The following SPDYE18 variants were observed in gnomAD, a reference collection of about 807,000 sequenced individuals.
SPDYE18 encodes speedy protein E18.
SPDYE18 carries 6 observed loss-of-function variants against 44.9 expected under a neutral mutation model. The observed-to-expected ratio is 0.13, with a 90% CI of 0.07 to 0.26. The LOEUF is 0.26. SPDYE18 is among the 10% of genes least tolerant of loss of function. SPDYE18 has a pLI of 1.00. For missense variants in SPDYE18, 121 were observed against 463.2 expected, an observed-to-expected ratio of 0.26 and a Z score of 6.78; for synonymous variants, 35 against 177.1, an observed-to-expected ratio of 0.20 and a Z score of 6.37.
At chr7:77,062,388 TAGA>T (rs1199126775) in intron 1 of SPDYE18, among the ~76,000 whole-genome samples, 105 bp downstream of exon 1, 3 of 150,872 alleles carry the variant, frequency 2.0e-5, no homozygotes, top group South Asian at 2.1e-4. Context: ...TTTCAAATAT[TAGA>T]AGATCAATGT....
In SPDYE18 at chr7:77,060,554, A is replaced by G. The variant is rs1206121837; in HGVS notation, c.-42T>C. On this transcript the variant is annotated 5_prime_UTR_variant, in exon 2 of 9. Transcript: ENST00000510091. ...CTGCTAGGATCCAGAAGAGTATGTT[A>G]TCAATTCTCAAGCCTAGGAGAAGTC... 1.3e-6 allele frequency: 2 copies of G among 1,534,644 alleles called. No homozygotes were observed. The highest frequency in any genetic ancestry group is 1.2e-5 in the South Asian group (1 of 83,950).
At chr7:77,053,537 C>G (rs1249184564) in intron 6 of SPDYE18, among the ~76,000 whole-genome samples, 1 of 152,260 alleles carries the variant, frequency 6.6e-6, no homozygotes, top group Non-Finnish European at 1.5e-5. Context: ...ACCCTCGTCT[C>G]TATTAAAAAT....
chr7:77,059,913 G>A (rs1053419030), intron 2 of SPDYE18, among the ~76,000 whole-genome samples: 11 of 149,688 alleles, frequency 7.3e-5, no homozygotes, highest in Non-Finnish European at 1.2e-4. Flanking sequence ...GCCTCCCAAA[G>A]TTCTGGGATT....
intron 5 of SPDYE18, among the ~76,000 whole-genome samples, chr7:77,055,780 A>C (rs1350387880): frequency 1.4e-5 from 2 of 138,828 alleles, no homozygotes; most frequent in African/African-American, 2.7e-5. Context: ...GATGCTGACA[A>C]ATCATAAAAA....
At chr7:77,059,927 G>A (rs913586967) in intron 2 of SPDYE18, among the ~76,000 whole-genome samples, 3 of 150,028 alleles carry the variant, frequency 2.0e-5, no homozygotes, top group South Asian at 2.1e-4. Flanking sequence ...TGGGATTACA[G>A]GTGTGAGCCA....
At chr7:77,052,614 T>G (rs1352366253) in intron 8 of SPDYE18, among the ~76,000 whole-genome samples, 119 bp downstream of exon 8, 6 of 152,298 alleles carry the variant, frequency 3.9e-5, no homozygotes, top group Admixed American at 3.9e-4. Flanking sequence ...TTTGTATTTT[T>G]GTGGAGAGGG....
chr7:77,059,598 G>A (rs868533722), intron 2 of SPDYE18, among the ~76,000 whole-genome samples, 200 bp from the exon 3 acceptor site: 1,167 of 144,464 alleles, frequency 8.1e-3, no homozygotes, highest in African/African-American at 0.031. Context: ...TCTGTCCTCC[G>A]AACACTGCTT....
chr7:77,060,936 G>T lies in SPDYE18; in HGVS notation c.-421-3C>A, dbSNP rs1247548530. Among the ~76,000 whole-genome samples the T allele has an allele frequency of 6.6e-6, 1 of 151,030 alleles. No homozygotes were observed. Among genetic ancestry groups the T allele is most frequent in the East Asian group, 2.0e-4 (1 of 5,094 alleles). On this transcript the variant is annotated splice_polypyrimidine_tract_variant and splice_region_variant and intron_variant, in intron 1 of 8. Coordinates refer to ENST00000510091, the MANE Select transcript of SPDYE18 (RefSeq NM_001394953.1). ...ACATGCCCATTTCAGAGTCCAGTCTGGTGGGAGAGGGAACAGAGTGGGAAA... is the reference window on the plus strand; with the variant it reads ...ACATGCCCATTTCAGAGTCCAGTCTTGTGGGAGAGGGAACAGAGTGGGAAA...
chr7:77,057,096 A>ATTTC (rs1789936148), intron 4 of SPDYE18, among the ~76,000 whole-genome samples: 1 of 152,274 alleles, frequency 6.6e-6, no homozygotes, highest in African/African-American at 2.4e-5. Context: ...TTATTTATTT[A>ATTTC]TTAATTTATT....
chr7:77,059,228 C>CTCG lies in SPDYE18; in HGVS notation c.328_330dup (p.Arg110dup). 6.4e-7 allele frequency: 1 copy of CTCG among 1,562,632 alleles called. No homozygotes were observed. The highest frequency in any genetic ancestry group is 8.6e-7 in the Non-Finnish European group (1 of 1,162,898). ...TGGTGCTCAGGGAGGATGGGTGACACTCGCTGTTGCTTCAGCTTCATCTTG... is the reference window on the plus strand; with the variant it reads ...TGGTGCTCAGGGAGGATGGGTGACACTCGTCGCTGTTGCTTCAGCTTCATCTTG... On this transcript the variant is annotated inframe_insertion, in exon 3 of 9. Transcript: ENST00000510091.
intron 2 of SPDYE18, among the ~76,000 whole-genome samples, chr7:77,059,783 G>T (rs2117326327): frequency 6.8e-6 from 1 of 147,786 alleles, no homozygotes; most frequent in East Asian, 2.2e-4. Context: ...TCAGGTAGCT[G>T]GGATTACAGG....
At position 77,060,517 on chromosome 7, in the gene SPDYE18, T is replaced by G. The variant is rs1162400992; in HGVS notation, c.-5A>C. ...CCTAGTCTTCGTTCTGTCCATGGCC[T>G]TCTTCTGGACACTGCTAGGATCCAG... is the stretch of plus-strand genomic sequence containing the variant. On this transcript the variant is annotated 5_prime_UTR_variant, in exon 2 of 9. Coordinates refer to ENST00000510091, the MANE Select transcript of SPDYE18 (RefSeq NM_001394953.1). 14 of 1,535,016 alleles carry G rather than the reference T, an allele frequency of 9.1e-6. No individual in the cohort carries two copies. The highest frequency in any genetic ancestry group is 2.4e-5 in the South Asian group (2 of 83,964).
chr7:77,058,861 T>C (rs1000804650), intron 3 of SPDYE18, among the ~76,000 whole-genome samples: 1 of 152,042 alleles, frequency 6.6e-6, no homozygotes, highest in African/African-American at 2.4e-5. Context: ...GGTGCAGTCA[T>C]AGCTCACTGC....
intron 6 of SPDYE18, among the ~76,000 whole-genome samples, 166 bp from the exon 7 acceptor site, chr7:77,053,369 T>C (rs1789850235): frequency 6.6e-6 from 1 of 152,180 alleles, no homozygotes; most frequent in African/African-American, 2.4e-5. Flanking sequence ...GACAGAGACC[T>C]GATCAAGGGC....
rs1789843503 is a variant in SPDYE18, at chr7:77,053,092, G to T, written c.867C>A (p.Phe289Leu). ...TCGGGTTCAAGCAACGGCATAACTG[G>T]AACCGACGGTTACGGACCAAGGGTA... ...SRIPLVRNRR[F>L]QLCRCLNPRA... Residue 289 changes from phenylalanine to leucine, a missense_variant, in exon 7 of 9, where the codon TTC (phenylalanine) becomes TTA (leucine). Coordinates refer to ENST00000510091, the MANE Select transcript of SPDYE18 (RefSeq NM_001394953.1). 6.2e-7 allele frequency: 1 copy of T among 1,614,236 alleles called. No individual in the cohort carries two copies. Among genetic ancestry groups the T allele is most frequent in the African/African-American group, 1.3e-5 (1 of 75,078 alleles).
At position 77,050,687 on chromosome 7, in the gene SPDYE18, C is replaced by A. The variant is rs1397518979; in HGVS notation, c.*1238G>T. Reference sequence around the variant, plus strand: ...GTATCACAGATAAAAACCATGCTCCCTTCAGCAGCACGTGTAATAATAGAT... The same window carrying A: ...GTATCACAGATAAAAACCATGCTCCATTCAGCAGCACGTGTAATAATAGAT... On this transcript the variant is annotated 3_prime_UTR_variant, in exon 9 of 9. Coordinates refer to ENST00000510091, the MANE Select transcript of SPDYE18 (RefSeq NM_001394953.1). 6.6e-6 allele frequency among the ~76,000 whole-genome samples: 1 copy of A among 152,072 alleles called. No individual in the cohort carries two copies. The highest frequency in any genetic ancestry group is 1.5e-5 in the Non-Finnish European group (1 of 68,018).
chr7:77,060,353 C>G lies in SPDYE18; in HGVS notation c.160G>C (p.Ala54Pro). 2 of 1,535,438 alleles carry G rather than the reference C, an allele frequency of 1.3e-6. No homozygotes were observed. The highest frequency in any genetic ancestry group is 1.7e-6 in the Non-Finnish European group (2 of 1,146,862). The stretch of plus-strand genomic sequence containing the variant: ...CCTCTTCTTCCACCAGTCCCCTCAC[C>G]TGATGGTCCCAACACTTCATCATCC... ...VVDDEVLGPS[A>P]PGVDPSPPCR... The change falls in exon 2 of 9, where the codon GCC (alanine) becomes CCC (proline). Residue 54 changes from alanine to proline, a missense_variant and splice_region_variant. Physicochemically the swap from Ala to Pro is conservative, Grantham distance 27. Transcript: ENST00000510091.
chr7:77,056,979 T>G (rs1379045671), intron 4 of SPDYE18, among the ~76,000 whole-genome samples: 1 of 152,184 alleles, frequency 6.6e-6, no homozygotes, highest in Non-Finnish European at 1.5e-5. Flanking sequence ...CCACTATGGA[T>G]GGAGACACTT....
rs371867087 is a variant in SPDYE18 at position 77,051,384 on chromosome 7, T to G, written c.*541A>C. Among the ~76,000 whole-genome samples, 1 of 152,292 alleles carries G rather than the reference T, an allele frequency of 6.6e-6. No individual in the cohort carries two copies. The highest frequency in any genetic ancestry group is 1.5e-5 in the Non-Finnish European group (1 of 68,058). On this transcript the variant is annotated 3_prime_UTR_variant, in exon 9 of 9. Coordinates refer to ENST00000510091, the MANE Select transcript of SPDYE18 (RefSeq NM_001394953.1). ...CAATTTCCAAACTATTTGAAATAAATCTATGAATAATTCAATGGCCAACAT... is the reference window on the plus strand; with the variant it reads ...CAATTTCCAAACTATTTGAAATAAAGCTATGAATAATTCAATGGCCAACAT...
Sources: allele counts gnomAD v4.1 joint callset (sites outside exome capture counted in the v4.1 genomes callset), GRCh38; gene constraint gnomAD v4.1.1; transcripts MANE v1.5; gene names NCBI Gene and HGNC (gene_info 2026-07-23, HGNC 2026-07-21).